ITSN1: variants seen among roughly 807,000 people sequenced by gnomAD.
The protein encoded by ITSN1 is intersectin-1.
ITSN1 carries 58 observed loss-of-function variants against 239.8 expected under a neutral mutation model. The ratio of observed to expected loss-of-function variants is 0.24; its 90% CI spans 0.20 to 0.30. The LOEUF (loss-of-function observed/expected upper bound fraction) is 0.30. ITSN1 is among the 10% of genes least tolerant of loss of function. ITSN1 has a pLI of 1.00. For synonymous variants in ITSN1, 780 were observed against 770.8 expected, an observed-to-expected ratio of 1.01 and a Z score of -0.20; for missense variants, 1,558 against 2,103.3, an observed-to-expected ratio of 0.74 and a Z score of 5.07.
chr21:33,882,365 G>A lies in ITSN1; in HGVS notation c.4464G>A (p.Leu1488=), dbSNP rs372102448. 4.3e-6 allele frequency: 7 copies of A among 1,614,064 alleles called. No homozygotes were observed. The highest frequency in any genetic ancestry group is 5.9e-6 in the Non-Finnish European group (7 of 1,180,040). Residue 1488 remains leucine, a synonymous_variant, in exon 35 of 40, where the codon CTG becomes CTA. Coordinates refer to ENST00000381318, the MANE Select transcript of ITSN1 (RefSeq NM_003024.3). This position sits in a 1 kb window ranked among gnomAD's most constrained non-coding sequence, Gnocchi z 4.5. ...GCTTCCTTTTCAACGACTTCCTCCTGCTGACTCAGATCACGAAGCCTTTGG... is the reference window on the plus strand; with the variant it reads ...GCTTCCTTTTCAACGACTTCCTCCTACTGACTCAGATCACGAAGCCTTTGG... ...LYGFLFNDFL[L]LTQITKPLGS...
chr21:33,836,754 G>A (rs376901189), intron 29 of ITSN1, 122 bp downstream of exon 29: 22 of 844,820 alleles, frequency 2.6e-5, no homozygotes, highest in African/African-American at 3.4e-5. Context: ...TGCTGCATTC[G>A]CAGTCGTCTC....
In ITSN1 at chr21:33,811,317, CCTT is replaced by C. The variant is rs998819700; in HGVS notation, c.2567+98_2567+100del. On this transcript the variant is annotated intron_variant, in intron 21 of 39. Coordinates refer to ENST00000381318, the MANE Select transcript of ITSN1 (RefSeq NM_003024.3). The stretch of plus-strand genomic sequence containing the variant: ...AAGTATTTTCATAGTCTTGGATTGT[CCTT>C]CTATGTGAGGGAGCTGGCTCATTTT... 9 of 1,261,468 alleles carry C rather than the reference CCTT, an allele frequency of 7.1e-6. No individual in the cohort carries two copies. The African/African-American group carries it at 1.1e-4, about 15-fold the overall frequency. 78.1% of individuals were successfully genotyped at this position (1,261,468 alleles called of 1,614,324 possible).
intron 33 of ITSN1, among the ~76,000 whole-genome samples, chr21:33,868,356 C>T (rs776107328): frequency 1.7e-4 from 26 of 152,334 alleles, no homozygotes; most frequent in African/African-American, 4.8e-4. Context: ...GACTGGGCGC[C>T]GTGGAGCAGG....
chr21:33,719,977 A>G (rs898004971), intron 2 of ITSN1, among the ~76,000 whole-genome samples: 12 of 152,244 alleles, frequency 7.9e-5, no homozygotes, highest in East Asian at 5.8e-4. Context: ...TGAAGAGAGT[A>G]AAAGTCTCCG....
chr21:33,735,902 G>C (rs976821807), intron 5 of ITSN1, among the ~76,000 whole-genome samples: 1 of 152,146 alleles, frequency 6.6e-6, no homozygotes, highest in Non-Finnish European at 1.5e-5. Flanking sequence ...TACTCGGAGA[G>C]GCTGAGGCAG....
chr21:33,819,876 G>A (rs943639514), intron 24 of ITSN1, among the ~76,000 whole-genome samples: 11 of 152,072 alleles, frequency 7.2e-5, no homozygotes, highest in African/African-American at 2.4e-4. Context: ...CAGCTACTCG[G>A]GAGGCTGAGG....
At chr21:33,824,420 A>G (rs1045889232) in intron 25 of ITSN1, among the ~76,000 whole-genome samples, 1 of 152,064 alleles carries the variant, frequency 6.6e-6, no homozygotes, top group African/African-American at 2.4e-5. Context: ...GCACATTTAA[A>G]AAAACCAACA....
chr21:33,715,784 T>C (rs1296273395), intron 1 of ITSN1, among the ~76,000 whole-genome samples: 1 of 152,034 alleles, frequency 6.6e-6, no homozygotes, highest in East Asian at 1.9e-4. Context: ...GCAGATGGGG[T>C]GTTGTCACCT....
intron 34 of ITSN1, among the ~76,000 whole-genome samples, chr21:33,879,957 G>T (rs1984632183): frequency 6.6e-6 from 1 of 152,240 alleles, no homozygotes; most frequent in South Asian, 2.1e-4. Flanking sequence ...TGGGATTACA[G>T]GTGTGATCCA....
At chr21:33,749,704 G>A (rs1437569771) in intron 5 of ITSN1, among the ~76,000 whole-genome samples, 1 of 151,960 alleles carries the variant, frequency 6.6e-6, no homozygotes, top group Non-Finnish European at 1.5e-5. Flanking sequence ...CATCAAACAT[G>A]TGGTTTCCCT....
At chr21:33,709,991 T>A (rs574045675) in intron 1 of ITSN1, among the ~76,000 whole-genome samples, 1 of 152,058 alleles carries the variant, frequency 6.6e-6, no homozygotes, top group Non-Finnish European at 1.5e-5. Context: ...CCGTTAACTG[T>A]GATGTTAGAT....
chr21:33,819,206 AAAAATT>A (rs1569245980), intron 23 of ITSN1, 29 bp from the exon 24 acceptor site: 3 of 1,518,140 alleles, frequency 2.0e-6, no homozygotes, highest in Non-Finnish European at 2.7e-6. Context: ...CTTTGAAGAT[AAAAATT>A]AAAATACTCT....
At chr21:33,643,748 C>T (rs772023123) in intron 1 of ITSN1, 3 of 152,230 alleles carry the variant, frequency 2.0e-5, no homozygotes, top group African/African-American at 4.8e-5. Context: ...AGATGCGTTT[C>T]TTTGTGCTTG....
chr21:33,834,092 A>G (rs1311153902), intron 27 of ITSN1, among the ~76,000 whole-genome samples: 1 of 152,202 alleles, frequency 6.6e-6, no homozygotes, highest in Non-Finnish European at 1.5e-5. Context: ...AGCCGAAGCA[A>G]AAACATTCTG....
rs370478101 is a variant in ITSN1 at position 33,886,265 on chromosome 21, C to T, written c.4844-22C>T. On this transcript the variant is annotated intron_variant, in intron 38 of 39. Coordinates refer to ENST00000381318, the MANE Select transcript of ITSN1 (RefSeq NM_003024.3). ...AAAATGAGGTGTGAGTTCCACCTGG[C>T]GAAGGCTTTTGTTCCCTCCAGGAAA... 56 of 1,597,686 alleles carry T rather than the reference C, an allele frequency of 3.5e-5. 1 individual carries two copies. Among genetic ancestry groups the T allele is most frequent in the Admixed American group, 2.6e-4 (15 of 56,842 alleles).
intron 1 of ITSN1, among the ~76,000 whole-genome samples, chr21:33,667,401 A>G (rs1217709934): frequency 1.3e-5 from 2 of 152,228 alleles, no homozygotes; most frequent in Non-Finnish European, 2.9e-5. Context: ...ATGAAAAAGC[A>G]TATACGAACT....
intron 16 of ITSN1, among the ~76,000 whole-genome samples, chr21:33,788,898 G>T (rs1038149491): frequency 5.9e-5 from 9 of 152,122 alleles, no homozygotes; most frequent in Admixed American, 2.6e-4. Context: ...CTATGATCGT[G>T]CCTGTGAGTA....
chr21:33,774,605 ATT>A (rs1382090110), intron 12 of ITSN1, 122 bp from the exon 13 acceptor site: 1 of 868,006 alleles, frequency 1.2e-6, no homozygotes, highest in African/African-American at 1.7e-5. Context: ...TTCTAATGTG[ATT>A]TCTTGTAATG....
chr21:33,655,446 T>C (rs1205808283), intron 1 of ITSN1, among the ~76,000 whole-genome samples: 1 of 151,492 alleles, frequency 6.6e-6, no homozygotes, highest in Admixed American at 6.6e-5. Flanking sequence ...TGAGGCAGAG[T>C]CTTACTCTGT....
Sources: gnomAD v4.1 joint callset for allele counts (sites outside exome capture counted in the v4.1 genomes callset) on GRCh38, gnomAD v4.1.1 for gene constraint, Gnocchi (gnomAD v3.1) non-coding constraint, MANE v1.5 for transcripts, NCBI Gene and HGNC (gene_info 2026-07-23, HGNC 2026-07-21) for gene names.